The following RAPGEF6 variants were observed in gnomAD, a reference collection of about 807,000 sequenced individuals.
RAPGEF6 encodes the protein Rap guanine nucleotide exchange factor 6, also known as PDZ domain containing guanine nucleotide exchange factor (GEF) 2.
Under a neutral mutation model 171.4 loss-of-function variants are expected in RAPGEF6, and 56 were observed. That is an observed-to-expected ratio of 0.33 (90% confidence interval 0.26 to 0.41). The LOEUF (loss-of-function observed/expected upper bound fraction) is 0.41. Among genes scored for constraint, RAPGEF6 ranks in the 10% least tolerant of loss-of-function variants. RAPGEF6 has a pLI of 1.00. For synonymous variants in RAPGEF6, 692 were observed against 650.1 expected (o/e 1.06, Z -0.98); for missense variants, 1,674 against 1,921.4 (o/e 0.87, Z 2.41).
At chr5:131,476,617 T>C (rs929043356) in intron 16 of RAPGEF6, among the ~76,000 whole-genome samples, 6 of 152,094 alleles carry the variant, frequency 3.9e-5, no homozygotes, top group African/African-American at 1.4e-4. Context: ...TGTGCCACCA[T>C]GCCCAGCTAA....
intron 4 of RAPGEF6, among the ~76,000 whole-genome samples, chr5:131,582,712 A>G (rs1046455606): frequency 2.0e-5 from 3 of 152,234 alleles, no homozygotes; most frequent in Non-Finnish European, 4.4e-5. Context: ...GGACTTACAT[A>G]TAGCATACAA....
chr5:131,520,996 G>C (rs890865926), intron 7 of RAPGEF6, among the ~76,000 whole-genome samples: 1 of 152,126 alleles, frequency 6.6e-6, no homozygotes, highest in African/African-American at 2.4e-5. Context: ...TGGTAGAAAA[G>C]CAGCTCTAAT....
chr5:131,487,808 C>G (rs1238731197), intron 15 of RAPGEF6, among the ~76,000 whole-genome samples: 1 of 152,172 alleles, frequency 6.6e-6, no homozygotes. Context: ...TGATACAGGA[C>G]AACCTAACTG....
At chr5:131,487,511 G>A (rs1249386844) in intron 15 of RAPGEF6, among the ~76,000 whole-genome samples, 1 of 152,124 alleles carries the variant, frequency 6.6e-6, no homozygotes, top group Non-Finnish European at 1.5e-5. Context: ...TAGACACAGA[G>A]CACTGATTGG....
At chr5:131,435,224 A>C (rs1014993725) in intron 24 of RAPGEF6, among the ~76,000 whole-genome samples, 14 of 152,222 alleles carry the variant, frequency 9.2e-5, no homozygotes, top group Non-Finnish European at 1.5e-4. Context: ...TATTTGGCCT[A>C]CGTGGACAGG....
intron 13 of RAPGEF6, 100 bp downstream of exon 13, chr5:131,495,453 T>G (rs1756578453): frequency 1.2e-6 from 1 of 858,390 alleles, no homozygotes; most frequent in Non-Finnish European, 1.8e-6. Flanking sequence ...AATGGACATT[T>G]AAGACACAGG....
intron 13 of RAPGEF6, 124 bp from the exon 14 acceptor site, chr5:131,492,909 TGAA>T (rs992210371): frequency 6.9e-6 from 6 of 872,910 alleles, no homozygotes; most frequent in Admixed American, 2.5e-5. Context: ...TAAACAAAAT[TGAA>T]GAAGGGGGCA....
chr5:131,628,177 C>T (rs1766064951), intron 1 of RAPGEF6, among the ~76,000 whole-genome samples: 1 of 152,184 alleles, frequency 6.6e-6, no homozygotes, highest in South Asian at 2.1e-4. Context: ...AGGCTAACAA[C>T]GGCCCAAAGC....
Position 131,464,079 on chromosome 5 carries a change from C to G in RAPGEF6, c.2442G>C (p.Gln814His). ...GVIKQRRLPD[Q>H]FSKLADRIQL... ...GAATTCTATCAGCTAATTTGGAGAA[C>G]TGATCTGGAAGTCTTCTCTGTTTTA... Residue 814 changes from glutamine (Q) to histidine (H), a missense_variant, in exon 18 of 28, where the codon CAG (glutamine) becomes CAC (histidine). Gln to His is a conservative substitution (Grantham distance 24). Coordinates refer to ENST00000509018, the MANE Select transcript of RAPGEF6 (RefSeq NM_016340.6). 8 of 1,609,026 alleles carry G rather than the reference C, an allele frequency of 5.0e-6. No individual in the cohort carries two copies. Among genetic ancestry groups the G allele is most frequent in the Non-Finnish European group, 6.8e-6 (8 of 1,177,046 alleles).
At chr5:131,583,507 T>C (rs1394215069) in intron 4 of RAPGEF6, among the ~76,000 whole-genome samples, 1 of 152,242 alleles carries the variant, frequency 6.6e-6, no homozygotes, top group African/African-American at 2.4e-5. Flanking sequence ...CATTCCTTTC[T>C]GCTGATTCCA....
intron 6 of RAPGEF6, among the ~76,000 whole-genome samples, chr5:131,537,320 G>T (rs1452526785): frequency 6.6e-6 from 1 of 152,150 alleles, no homozygotes; most frequent in Non-Finnish European, 1.5e-5. Flanking sequence ...GACAACCAGA[G>T]GGGCATGCCC....
At chr5:131,521,159 G>A (rs1758448601) in intron 7 of RAPGEF6, among the ~76,000 whole-genome samples, 1 of 152,098 alleles carries the variant, frequency 6.6e-6, no homozygotes, top group Non-Finnish European at 1.5e-5. Context: ...ATAAATGAAA[G>A]AGAACACTAG....
At chr5:131,452,761 C>A (rs1342271175) in intron 21 of RAPGEF6, among the ~76,000 whole-genome samples, 2 of 151,782 alleles carry the variant, frequency 1.3e-5, no homozygotes, top group East Asian at 1.9e-4. Context: ...CCACTGCGCC[C>A]GGCCTGCTGA....
intron 22 of RAPGEF6, among the ~76,000 whole-genome samples, chr5:131,445,408 T>C (rs932012898): frequency 6.6e-6 from 1 of 152,110 alleles, no homozygotes; most frequent in African/African-American, 2.4e-5. Context: ...TTAGGGTCAA[T>C]CCATGATGAC....
chr5:131,622,346 C>T (rs1004091617), intron 1 of RAPGEF6, among the ~76,000 whole-genome samples: 2 of 152,126 alleles, frequency 1.3e-5, no homozygotes, highest in African/African-American at 4.8e-5. Flanking sequence ...CATGATGAGC[C>T]TGACTACACG....
At chr5:131,574,546 C>T (rs147016646) in intron 4 of RAPGEF6, among the ~76,000 whole-genome samples, 1 of 152,114 alleles carries the variant, frequency 6.6e-6, no homozygotes, top group East Asian at 1.9e-4. Context: ...TTAAAACTCC[C>T]CAACTCTGGT....
chr5:131,599,916 T>C (rs1764127059), intron 3 of RAPGEF6, among the ~76,000 whole-genome samples: 1 of 152,238 alleles, frequency 6.6e-6, no homozygotes, highest in Non-Finnish European at 1.5e-5. Context: ...CAATTGTTTC[T>C]AATGCAACAC....
chr5:131,562,085 A>G (rs1761637611), intron 4 of RAPGEF6, 38 bp from the exon 5 acceptor site: 2 of 1,343,192 alleles, frequency 1.5e-6, no homozygotes, highest in Admixed American at 4.6e-5. Context: ...AGCAAAGGTT[A>G]TTAATAAAAT....
chr5:131,455,100 C>T (rs564001498), intron 20 of RAPGEF6, among the ~76,000 whole-genome samples: 1 of 152,182 alleles, frequency 6.6e-6, no homozygotes, highest in South Asian at 2.1e-4. Context: ...CTATGCCCAG[C>T]AATACGGAAG....
Sources: allele counts gnomAD v4.1 joint callset (sites outside exome capture counted in the v4.1 genomes callset), GRCh38; gene constraint gnomAD v4.1.1; transcripts MANE v1.5; gene names NCBI Gene and HGNC (gene_info 2026-07-23, HGNC 2026-07-21).